SIRPB2: variants seen among roughly 807,000 people sequenced by gnomAD.
SIRPB2 encodes signal regulatory protein beta 2, also known as signal-regulatory protein beta-2.
Under a neutral mutation model 27.1 loss-of-function variants are expected in SIRPB2, and 18 were observed. The ratio of observed to expected loss-of-function variants is 0.66; its 90% confidence interval spans 0.46 to 0.98. SIRPB2 has a LOEUF of 0.98. SIRPB2 is among the 50% of genes least tolerant of loss of function. SIRPB2 has a pLI of 0.00. For missense variants in SIRPB2, 420 were observed against 417.4 expected (o/e 1.01, Z -0.06); for synonymous variants, 150 against 164.6 (o/e 0.91, Z 0.68).
Position 1,475,775 on chromosome 20 carries a change from GCTGGTT to G in SIRPB2, c.*386_*391del. Reference sequence around the variant, plus strand: ...TAGATGGAGGGGCACAGATGGTCTGGCTGGTTGAGTTCAGAGATTCTTACAGACATC... The same window carrying G: ...TAGATGGAGGGGCACAGATGGTCTGGGAGTTCAGAGATTCTTACAGACATC... On this transcript the variant is annotated 3_prime_UTR_variant, in exon 5 of 5. Transcript: ENST00000359801. 1 of 155,700 alleles carries G rather than the reference GCTGGTT, an allele frequency of 6.4e-6. No homozygotes were observed. Among genetic ancestry groups the G allele is most frequent in the Non-Finnish European group, 1.4e-5 (1 of 73,448 alleles). 9.6% of individuals were successfully genotyped at this position (155,700 alleles called of 1,614,324 possible). A position where few individuals can be genotyped will look rare whatever the true frequency, so the allele number is the denominator to read the frequency against.
In SIRPB2 at chr20:1,479,729, G is replaced by A. The variant is rs374055663; in HGVS notation, c.422C>T (p.Ser141Leu). The stretch of plus-strand genomic sequence containing the variant: ...CACAAGCACTGAGGTGCCTTCATCC[G>A]ATTTCATTTCTGAGTGTTCACTCAA... ...DGLSEHSEMK[S>L]DEGTSVLVKG... Residue 141 changes from serine to leucine, a missense_variant, in exon 2 of 5, where the codon TCG (serine) becomes TTG (leucine). By Grantham distance (145) the Ser-to-Leu change is moderately radical. Coordinates refer to ENST00000359801, the MANE Select transcript of SIRPB2 (RefSeq NM_001122962.2). The A allele has an allele frequency of 2.3e-5, 37 of 1,614,048 alleles. 1 individual carries two copies. Among genetic ancestry groups the A allele is most frequent in the African/African-American group, 2.3e-4 (17 of 74,922 alleles).
intron 1 of SIRPB2, among the ~76,000 whole-genome samples, chr20:1,486,260 G>T (rs1223794040): frequency 6.6e-6 from 1 of 151,554 alleles, no homozygotes; most frequent in African/African-American, 2.4e-5. Context: ...TTTGGTAGAG[G>T]CAGGGTTTCG....
intron 1 of SIRPB2, among the ~76,000 whole-genome samples, chr20:1,481,953 A>G (rs571248152): frequency 3.9e-5 from 6 of 152,348 alleles, no homozygotes; most frequent in Non-Finnish European, 8.8e-5. Context: ...CACCAGCCAA[A>G]CTGGTAAAAC....
In SIRPB2 at chr20:1,478,367, T is replaced by C. The variant is rs374504580; in HGVS notation, c.692A>G (p.Asn231Ser). Reference sequence around the variant, plus strand: ...GGTGCCTGCATCCTCACTGGAGACGTTTTGCAGAAGAATGCTGAAGTCATT... The same window carrying C: ...GGTGCCTGCATCCTCACTGGAGACGCTTTGCAGAAGAATGCTGAAGTCATT... ...SNNDFSILLQ[N>S]VSSEDAGTYY... The change falls in exon 3 of 5, where the codon AAC becomes AGC. Residue 231 changes from asparagine to serine, a missense_variant. Transcript: ENST00000359801. The C allele has an allele frequency of 3.1e-6, 5 of 1,614,028 alleles. No individual in the cohort carries two copies. Among genetic ancestry groups the C allele is most frequent in the Non-Finnish European group, 3.4e-6 (4 of 1,180,036 alleles).
At chr20:1,490,497 T>C (rs1407197367) in intron 1 of SIRPB2, among the ~76,000 whole-genome samples, 1 of 152,216 alleles carries the variant, frequency 6.6e-6, no homozygotes. Context: ...GTCTCAAGAC[T>C]CTGGAGCTAA....
chr20:1,478,909 G>T (rs964010476), intron 2 of SIRPB2, among the ~76,000 whole-genome samples: 1 of 152,242 alleles, frequency 6.6e-6, no homozygotes, highest in African/African-American at 2.4e-5. Flanking sequence ...AAACCCAGAA[G>T]ATGGCAGGAC....
chr20:1,480,463 TCCTAACCTCCA>T (rs1284218145), intron 1 of SIRPB2: 14 of 189,764 alleles, frequency 7.4e-5, no homozygotes, highest in Middle Eastern at 2.3e-3. Flanking sequence ...CATGTTGATG[TCCTAACCTCCA>T]GTTCCTCAGA....
chr20:1,483,429 T>C (rs1310461189), intron 1 of SIRPB2, among the ~76,000 whole-genome samples: 1 of 152,098 alleles, frequency 6.6e-6, no homozygotes, highest in African/African-American at 2.4e-5. Context: ...TTTTTAACAA[T>C]AGCCATTCTA....
At chr20:1,489,780 C>T (rs950418504) in intron 1 of SIRPB2, among the ~76,000 whole-genome samples, 1 of 152,228 alleles carries the variant, frequency 6.6e-6, no homozygotes, top group Non-Finnish European at 1.5e-5. Context: ...ATATTTTTCT[C>T]GGGGCTGCTG....
At position 1,480,605 on chromosome 20, in the gene SIRPB2, G is replaced by T. The variant is rs1291828007; in HGVS notation, c.86-540C>A. Among the ~76,000 whole-genome samples, 3 of 152,162 alleles carry T rather than the reference G, an allele frequency of 2.0e-5. No homozygotes were observed. In the East Asian group the frequency reaches 5.8e-4, roughly 29 times the overall value. On this transcript the variant is annotated intron_variant, in intron 1 of 4. Transcript: ENST00000359801. Reference sequence around the variant, plus strand: ...ATAAGGAGAGGAAATTTAAACATACGCATGCAGGGGGAAGACCATGTGAAG... The same window carrying T: ...ATAAGGAGAGGAAATTTAAACATACTCATGCAGGGGGAAGACCATGTGAAG...
At chr20:1,484,273 G>A (rs2090703370) in intron 1 of SIRPB2, among the ~76,000 whole-genome samples, 2 of 152,142 alleles carry the variant, frequency 1.3e-5, no homozygotes, top group South Asian at 4.1e-4. Flanking sequence ...GGGACTCCAG[G>A]ACACTGGTAT....
rs552534243 is a variant in SIRPB2 at position 1,478,241 on chromosome 20, A to G, written c.793+25T>C. On this transcript the variant is annotated intron_variant, in intron 3 of 4. Transcript: ENST00000359801. ...GTTGAATACCTGCTCCGCTCTCCCG[A>G]CAAGTCCAAAACCAATTGTCTCACC... is the stretch of plus-strand genomic sequence containing the variant. 4.3e-4 allele frequency: 689 copies of G among 1,602,722 alleles called. 10 individuals are homozygous for G. The South Asian group carries it at 7.2e-3, about 17-fold the overall frequency.
chr20:1,491,227 G>A (rs1386165507), intron 1 of SIRPB2, 48 bp downstream of exon 1: 1 of 1,544,606 alleles, frequency 6.5e-7, no homozygotes, highest in East Asian at 2.3e-5. Context: ...CCCCTCTAGG[G>A]ACTGACCAGC....
downstream of SIRPB2, chr20:1,472,994 G>A (rs1371989479): frequency 6.6e-6 from 1 of 152,148 alleles, no homozygotes; most frequent in Admixed American, 6.5e-5. Context: ...ACTTTATCAG[G>A]AGGCCTCTTC....
Position 1,491,160 on chromosome 20 carries a change from CTCTTTACTCTA to C in SIRPB2, c.85+104_85+114del, listed in dbSNP as rs577063017. 178 of 948,938 alleles carry C rather than the reference CTCTTTACTCTA, an allele frequency of 1.9e-4. 1 individual carries two copies. The Middle Eastern group carries it at 2.7e-3, about 14-fold the overall frequency. The allele number at this position is 948,938 out of a possible 1,614,324, so 58.8% of individuals were successfully genotyped here. A position where few individuals can be genotyped will look rare whatever the true frequency, so the allele number is the denominator to read the frequency against. On this transcript the variant is annotated intron_variant, in intron 1 of 4. Transcript: ENST00000359801. ...AGTCAGGCAAATTTTCAGTGGACCC[CTCTTTACTCTA>C]TCTTCATGGGGTCAAGCTTCTTCAG...
chr20:1,480,942 C>T (rs1021969549), intron 1 of SIRPB2, among the ~76,000 whole-genome samples: 1 of 152,110 alleles, frequency 6.6e-6, no homozygotes, highest in Non-Finnish European at 1.5e-5. Flanking sequence ...ACCCTTTCTG[C>T]CTCATGTGAA....
chr20:1,480,139 C>G, intron 1 of SIRPB2, 74 bp from the exon 2 acceptor site: 1 of 1,502,014 alleles, frequency 6.7e-7, no homozygotes, highest in Non-Finnish European at 8.8e-7. Flanking sequence ...TTAAAACAAT[C>G]AAACCATTAT....
At chr20:1,487,759 A>C (rs1422974513) in intron 1 of SIRPB2, among the ~76,000 whole-genome samples, 1 of 152,202 alleles carries the variant, frequency 6.6e-6, no homozygotes, top group African/African-American at 2.4e-5. Context: ...AATCCTCCTG[A>C]GTAGCTAGGA....
Position 1,478,408 on chromosome 20 carries a change from C to T in SIRPB2, c.651G>A (p.Ala217=), listed in dbSNP as rs754010223. ...FGGISHPKET[A]VQASNNDFSI... ...TGAAGTCATTGTTGGAGGCCTGCAC[C>T]GCTGTCTCCTTGGGGTGGGAGATGC... is the stretch of plus-strand genomic sequence containing the variant. The change falls in exon 3 of 5, where the codon GCG becomes GCA. Residue 217 remains alanine, a synonymous_variant. Coordinates refer to ENST00000359801, the MANE Select transcript of SIRPB2 (RefSeq NM_001122962.2). 1.4e-5 allele frequency: 22 copies of T among 1,614,028 alleles called. No homozygotes were observed. The highest frequency in any genetic ancestry group is 1.6e-4 in the Middle Eastern group (1 of 6,084).
Sources: allele counts gnomAD v4.1 joint callset (sites outside exome capture counted in the v4.1 genomes callset), GRCh38; gene constraint gnomAD v4.1.1; transcripts MANE v1.5; gene names NCBI Gene and HGNC (gene_info 2026-07-23, HGNC 2026-07-21).